PSTPIP1: variants seen among roughly 807,000 people sequenced by gnomAD.
PSTPIP1 encodes proline-serine-threonine phosphatase interacting protein 1.
PSTPIP1 carries 66 observed loss-of-function variants against 69.6 expected under a neutral mutation model. That is an observed-to-expected ratio of 0.95 (90% CI 0.78 to 1.16). The LOEUF (loss-of-function observed/expected upper bound fraction) is 1.16, where lower values mean the gene tolerates loss of function less well. Ranked by LOEUF, PSTPIP1 falls within the 50% of genes most tolerant of loss-of-function variation. The probability of loss-of-function intolerance (pLI) is 0.00; values close to 1 mark genes in which losing one functional copy is unlikely to be tolerated. For synonymous variants in PSTPIP1, 266 were observed against 222.7 expected (o/e 1.19, Z -1.73); for missense variants, 603 against 557.4 (o/e 1.08, Z -0.82).
In PSTPIP1 at chr15:77,018,295, G is replaced by C. The variant is rs3812911; in HGVS notation, c.137+47G>C. On this transcript the variant is annotated intron_variant, in intron 2 of 14. Coordinates refer to ENST00000558012, the MANE Select transcript of PSTPIP1 (RefSeq NM_003978.5). ...GGGGAGCGCAGGCAGGAAGCAGGTGGCTTCCGCTCGGCTCCTGGGACAGTG... is the reference window on the plus strand; with the variant it reads ...GGGGAGCGCAGGCAGGAAGCAGGTGCCTTCCGCTCGGCTCCTGGGACAGTG... 0.77 allele frequency: 1,199,126 copies of C among 1,549,088 alleles called. 470,944 individuals are homozygous for C. Among genetic ancestry groups the C allele is most frequent in the Middle Eastern group, 0.86 (5,088 of 5,930 alleles).
At chr15:77,022,007 C>T (rs2152681566) in intron 3 of PSTPIP1, among the ~76,000 whole-genome samples, 2 of 152,388 alleles carry the variant, frequency 1.3e-5, no homozygotes, top group East Asian at 3.9e-4. Context: ...TCCTGTAGCC[C>T]CTCTGTGGTT....
At chr15:77,028,677 G>A in intron 7 of PSTPIP1, 25 bp downstream of exon 7, 1 of 1,520,262 alleles carries the variant, frequency 6.6e-7, no homozygotes, top group Non-Finnish European at 8.9e-7. Flanking sequence ...TGGGCCGTGT[G>A]GGTCGCCCAG....
Position 77,030,254 on chromosome 15 carries a change from T to C in PSTPIP1, c.563-248T>C, listed in dbSNP as rs1482816994. Reference sequence around the variant, plus strand: ...CCCAGAGATGCCCAGAGGCCAATACTCTGGACTTGCATATATGAGGCTCCA... The same window carrying C: ...CCCAGAGATGCCCAGAGGCCAATACCCTGGACTTGCATATATGAGGCTCCA... On this transcript the variant is annotated intron_variant, in intron 8 of 14. Transcript: ENST00000558012. 3.3e-5 allele frequency among the ~76,000 whole-genome samples: 5 copies of C among 152,280 alleles called. No homozygotes were observed. The East Asian group carries it at 9.6e-4, about 29-fold the overall frequency.
chr15:77,025,085 G>T (rs182625581), intron 3 of PSTPIP1, among the ~76,000 whole-genome samples, 199 bp from the exon 4 acceptor site: 2 of 152,314 alleles, frequency 1.3e-5, no homozygotes, highest in African/African-American at 4.8e-5. Flanking sequence ...TTTGCAGAGA[G>T]CTTTGTCTTC....
At chr15:77,028,014 G>C in intron 6 of PSTPIP1, 100 bp downstream of exon 6, 1 of 1,141,066 alleles carries the variant, frequency 8.8e-7, no homozygotes, top group Non-Finnish European at 1.3e-6. Flanking sequence ...ATTTGGAACA[G>C]GCTGACCTCA....
intron 7 of PSTPIP1, among the ~76,000 whole-genome samples, chr15:77,028,932 G>C (rs1191797961): frequency 2.0e-5 from 3 of 152,260 alleles, no homozygotes; most frequent in African/African-American, 7.2e-5. Context: ...GATGAGAGCA[G>C]ACGCCAACCC....
At position 77,037,260 on chromosome 15, in the gene PSTPIP1, A is replaced by G. The variant is rs751218366; in HGVS notation, c.*84A>G. On this transcript the variant is annotated 3_prime_UTR_variant, in exon 15 of 15. Coordinates refer to ENST00000558012, the MANE Select transcript of PSTPIP1 (RefSeq NM_003978.5). ...CACTGTCCCCACCTTGCTAGGGCCC[A>G]GAACCAAGCGTCCCCCAGCCCCGAG... 2.0e-6 allele frequency: 3 copies of G among 1,501,330 alleles called. No individual in the cohort carries two copies. The highest frequency in any genetic ancestry group is 2.7e-6 in the Non-Finnish European group (3 of 1,117,530). 93.0% of individuals were successfully genotyped at this position (1,501,330 alleles called of 1,614,324 possible).
intron 1 of PSTPIP1, among the ~76,000 whole-genome samples, chr15:77,016,536 C>T (rs2076056148): frequency 6.6e-6 from 1 of 152,166 alleles, no homozygotes; most frequent in Non-Finnish European, 1.5e-5. Flanking sequence ...TCTGGCCTTC[C>T]AGGCTAGACA....
intron 6 of PSTPIP1, 106 bp downstream of exon 6, chr15:77,028,020 C>G: frequency 1.8e-6 from 2 of 1,097,642 alleles, no homozygotes; most frequent in Non-Finnish European, 2.7e-6. Context: ...AACAGGCTGA[C>G]CTCAGCCTTG....
intron 8 of PSTPIP1, 129 bp downstream of exon 8, chr15:77,029,703 C>A (rs980594491): frequency 9.2e-7 from 1 of 1,089,834 alleles, no homozygotes; most frequent in Non-Finnish European, 1.3e-6. Flanking sequence ...CGCTCTCATT[C>A]CAGATATGTG....
chr15:77,018,161 C>T lies in PSTPIP1; in HGVS notation c.50C>T (p.Thr17Ile), dbSNP rs1235260030. ...FKDAFWCRDF[T>I]AHTGYEVLLQ... ...CCTGTGTCACAGTGCAGGGACTTCA[C>T]AGCCCACACGGGCTACGAGGTGCTG... The change falls in exon 2 of 15, where the codon ACA becomes ATA. Residue 17 changes from threonine (T) to isoleucine (I), a missense_variant. By Grantham distance (89) the Thr-to-Ile change is moderately conservative. Transcript: ENST00000558012. 6.3e-7 allele frequency: 1 copy of T among 1,582,970 alleles called. No homozygotes were observed. Among genetic ancestry groups the T allele is most frequent in the Admixed American group, 1.8e-5 (1 of 54,864 alleles).
intron 1 of PSTPIP1, among the ~76,000 whole-genome samples, chr15:77,004,462 A>G (rs549291709): frequency 6.6e-6 from 1 of 152,256 alleles, no homozygotes; most frequent in South Asian, 2.1e-4. Context: ...AAACAGCCAC[A>G]CTGGGGAGGA....
upstream of PSTPIP1, chr15:76,994,785 G>T: frequency 3.9e-6 from 5 of 1,289,116 alleles, 1 homozygote; most frequent in Middle Eastern, 4.3e-4. Context: ...AGCAGCCAGG[G>T]TTTGATGAAT....
intron 1 of PSTPIP1, chr15:77,015,924 TG>T (rs2076041120): frequency 2.2e-6 from 1 of 455,914 alleles, no homozygotes; most frequent in Non-Finnish European, 4.4e-6. Context: ...CTGCAGCCTC[TG>T]GGGACTTGAG....
In PSTPIP1 at chr15:77,027,764, GCCT is replaced by G. The variant is rs1208297250; in HGVS notation, c.355-86_355-84del. ...TCTCCAGAGCCAGGAGAGGTGCTGC[GCCT>G]CATCCCAGGGACACTCCGTCCTCTT... On this transcript the variant is annotated intron_variant, in intron 5 of 14. Coordinates refer to ENST00000558012, the MANE Select transcript of PSTPIP1 (RefSeq NM_003978.5). The surrounding 1 kb of genome is among the most constrained non-coding windows in gnomAD (Gnocchi z 4.3). 4.1e-6 allele frequency: 6 copies of G among 1,467,910 alleles called. No homozygotes were observed. The highest frequency in any genetic ancestry group is 5.6e-6 in the Non-Finnish European group (6 of 1,074,068). The allele number at this position is 1,467,910 out of a possible 1,614,324, so 90.9% of individuals were successfully genotyped here. A position where few individuals can be genotyped will look rare whatever the true frequency, so the allele number is the denominator to read the frequency against.
rs2076092189 is a variant in PSTPIP1, at chr15:77,018,330, C to T, written c.137+82C>T. 4 of 1,532,740 alleles carry T rather than the reference C, an allele frequency of 2.6e-6. No homozygotes were observed. In the East Asian group the frequency reaches 7.3e-5, roughly 28 times the overall value. 94.9% of individuals were successfully genotyped at this position (1,532,740 alleles called of 1,614,324 possible). ...GGCTCCTGGGACAGTGGACGAGGCC[C>T]CCATCCCAGCCAAACTCTGTCAGAA... On this transcript the variant is annotated intron_variant, in intron 2 of 14. Transcript: ENST00000558012.
intron 10 of PSTPIP1, 130 bp downstream of exon 10, chr15:77,031,408 G>C: frequency 1.1e-6 from 1 of 947,848 alleles, no homozygotes; most frequent in Non-Finnish European, 1.6e-6. Context: ...GGGGTCTCAG[G>C]CCTCAGCAGC....
intron 1 of PSTPIP1, among the ~76,000 whole-genome samples, chr15:76,997,595 G>A (rs780115979): frequency 6.6e-6 from 1 of 152,210 alleles, no homozygotes. Flanking sequence ...ACTTGCGCAA[G>A]GTCACACTGC....
At position 77,032,889 on chromosome 15, in the gene PSTPIP1, A is replaced by G. The variant is rs1438887190; in HGVS notation, c.866A>G (p.Asp289Gly). 6.2e-7 allele frequency: 1 copy of G among 1,601,438 alleles called. No homozygotes were observed. Among genetic ancestry groups the G allele is most frequent in the Non-Finnish European group, 8.5e-7 (1 of 1,174,596 alleles). ...CCGGTGCCCTACCAGAACTATTACGATCGGGAGGTCACCCCGCTGACCAGC... is the reference window on the plus strand; with the variant it reads ...CCGGTGCCCTACCAGAACTATTACGGTCGGGAGGTCACCCCGCTGACCAGC... ...PAPVPYQNYY[D>G]REVTPLTSSP... is the part of the protein sequence containing the mutation. The change falls in exon 12 of 15, where the codon GAT (aspartate) becomes GGT (glycine). Residue 289 changes from aspartate (D) to glycine (G), a missense_variant. Coordinates refer to ENST00000558012, the MANE Select transcript of PSTPIP1 (RefSeq NM_003978.5).
Sources: gnomAD v4.1 joint callset for allele counts (sites outside exome capture counted in the v4.1 genomes callset) on GRCh38, gnomAD v4.1.1 for gene constraint, Gnocchi (gnomAD v3.1) non-coding constraint, MANE v1.5 for transcripts, NCBI Gene and HGNC (gene_info 2026-07-23, HGNC 2026-07-21) for gene names.